Variants in ARHGEF1 observed in about 807,000 individuals in gnomAD.
ARHGEF1 encodes 115 kDa guanine nucleotide exchange factor.
ARHGEF1 carries 40 observed loss-of-function variants against 119.7 expected under a neutral mutation model. That is an observed-to-expected ratio of 0.33 (90% confidence interval 0.26 to 0.44). The LOEUF (loss-of-function observed/expected upper bound fraction) is 0.44. Ranked by LOEUF, ARHGEF1 falls within the 20% of genes least tolerant of loss-of-function variation. The probability of loss-of-function intolerance (pLI) is 1.00; values close to 1 mark genes in which losing one functional copy is unlikely to be tolerated. For missense variants in ARHGEF1, 976 were observed against 1,268.3 expected, an observed-to-expected ratio of 0.77 and a Z score of 3.50; for synonymous variants, 494 against 521.0, an observed-to-expected ratio of 0.95 and a Z score of 0.71.
chr19:41,892,465 G>T lies in ARHGEF1; in HGVS notation c.367+92G>T. On this transcript the variant is annotated intron_variant, in intron 6 of 28. Transcript: ENST00000354532. The surrounding 1 kb of genome is among the most constrained non-coding windows in gnomAD (Gnocchi z 6.3). ...GAGGGAGGCCGCACTCCCATGCTCT[G>T]CTCGGACAGCCGAGATTCATTCATT... 5 of 1,598,152 alleles carry T rather than the reference G, an allele frequency of 3.1e-6. No homozygotes were observed. In the South Asian group the frequency reaches 5.5e-5, roughly 18 times the overall value.
Position 41,895,478 on chromosome 19 carries a change from G to C in ARHGEF1, c.1007G>C (p.Arg336Pro). The C allele has an allele frequency of 6.3e-7, 1 of 1,596,458 alleles. No homozygotes were observed. The highest frequency in any genetic ancestry group is 1.1e-5 in the South Asian group (1 of 90,590). The change falls in exon 12 of 29, where the codon CGG (arginine) becomes CCG (proline). Residue 336 changes from arginine (R) to proline (P), a missense_variant. This residue lies in a region of ARHGEF1 where 519 missense variants were observed against 580.9 expected (regional missense o/e 0.89). Transcript: ENST00000354532. The stretch of plus-strand genomic sequence containing the variant: ...CCTCTGTCCCTGGACAGCCCAGACC[G>C]GGAACCAGGTGAGAGTTTCCTGGGC... ...LHPLSLDSPDREPGADAPLEL... is the reference protein window; with the variant it reads ...LHPLSLDSPDPEPGADAPLEL...
In ARHGEF1 at chr19:41,896,477, C is replaced by T. The variant is rs782206113; in HGVS notation, c.1116C>T (p.Thr372=). Residue 372 remains threonine (T), a synonymous_variant, in exon 13 of 29, where the codon ACC becomes ACT. Transcript: ENST00000354532. ...AGAGTACCGACGAGGGGGCCGAAAC[C>T]GAGAGGTGCCCAGGCTGGGGTGCAG... The part of the protein sequence containing the change: ...PPESTDEGAE[T]ESPEPGDEGE... The T allele has an allele frequency of 3.6e-5, 53 of 1,487,128 alleles. No homozygotes were observed. Among genetic ancestry groups the T allele is most frequent in the South Asian group, 9.8e-5 (7 of 71,534 alleles). The allele number at this position is 1,487,128 out of a possible 1,614,324, so 92.1% of individuals were successfully genotyped here.
chr19:41,895,196 G>C (rs550945646), intron 11 of ARHGEF1, among the ~76,000 whole-genome samples, 153 bp from the exon 12 acceptor site: 1 of 151,904 alleles, frequency 6.6e-6, no homozygotes, highest in East Asian at 1.9e-4. Context: ...GTGTCTGAGG[G>C]AGGAGGGGTT....
chr19:41,912,895 G>A, intron 18 of ARHGEF1: 1 of 1,231,720 alleles, frequency 8.1e-7, no homozygotes, highest in Non-Finnish European at 1.0e-6. Context: ...GCGAAGAGAA[G>A]GTCGGAGACG....
chr19:41,901,035 C>G (rs533664833), intron 14 of ARHGEF1: 2 of 150,470 alleles, frequency 1.3e-5, no homozygotes, highest in African/African-American at 4.9e-5. Context: ...GTGATCTGCC[C>G]GCCTAAGCCT....
upstream of ARHGEF1, among the ~76,000 whole-genome samples, chr19:41,922,131 G>C (rs1456490326): frequency 6.6e-6 from 1 of 152,122 alleles, no homozygotes; most frequent in Non-Finnish European, 1.5e-5. Flanking sequence ...GTGTACACCA[G>C]AACCAGCTAC....
chr19:41,918,011 A>G (rs2145899066), intron 18 of ARHGEF1, among the ~76,000 whole-genome samples: 1 of 151,800 alleles, frequency 6.6e-6, no homozygotes, highest in East Asian at 1.9e-4. Context: ...CCGGCCCTCG[A>G]CAGGCACCAG....
chr19:41,918,498 TCA>T (rs782457979), upstream of ARHGEF1, among the ~76,000 whole-genome samples: 50 of 102,064 alleles, frequency 4.9e-4, 1 homozygote, highest in South Asian at 0.014. Context: ...CACACACACA[TCA>T]CACACACACC....
At chr19:41,890,641 A>G (rs2074362276) in intron 4 of ARHGEF1, 1 of 151,810 alleles carries the variant, frequency 6.6e-6, no homozygotes, top group Non-Finnish European at 1.5e-5. Flanking sequence ...TTAGCCAGGC[A>G]CAGTGGTACA....
downstream of ARHGEF1, chr19:41,907,576 A>G (rs2074722619): frequency 4.7e-6 from 3 of 636,134 alleles, no homozygotes; most frequent in African/African-American, 5.7e-5. Context: ...TCATTCATTC[A>G]TTCATTTCTT....
chr19:41,898,654 A>G lies in ARHGEF1; in HGVS notation c.1267+67A>G, dbSNP rs1018312279. On this transcript the variant is annotated intron_variant, in intron 14 of 28. Transcript: ENST00000354532. ...GTCCAGCTCTGGCAAAGGCAAAGAC[A>G]GGCGCAGAGAGATGTTCATCTTGGT... is the stretch of plus-strand genomic sequence containing the variant. The G allele has an allele frequency of 1.7e-5, 25 of 1,482,908 alleles. No homozygotes were observed. The Admixed American group carries it at 4.8e-4, about 29-fold the overall frequency. 91.9% of individuals were successfully genotyped at this position (1,482,908 alleles called of 1,614,324 possible).
intron 2 of ARHGEF1, chr19:41,929,095 C>T (rs1450874833): frequency 5.3e-5 from 16 of 301,628 alleles, no homozygotes; most frequent in Non-Finnish European, 9.5e-5. Context: ...ACATGCGGAC[C>T]GTAATACAGG....
rs782615849 is a variant in ARHGEF1, at chr19:41,904,535, A to G, written c.2161+152A>G. ...AGGTGGAGGTGGGCAGGGCGGGGCC[A>G]GGCCTAGAGGGTTTATAAGTGAGGT... On this transcript the variant is annotated intron_variant, in intron 22 of 28. Coordinates refer to ENST00000354532, the MANE Select transcript of ARHGEF1 (RefSeq NM_004706.4). The surrounding 1 kb of genome is among the most constrained non-coding windows in gnomAD (Gnocchi z 8.4). 2.4e-4 allele frequency: 223 copies of G among 932,928 alleles called. No homozygotes were observed. Among genetic ancestry groups the G allele is most frequent in the Non-Finnish European group, 3.2e-4 (208 of 640,778 alleles). 57.8% of individuals were successfully genotyped at this position (932,928 alleles called of 1,614,324 possible). A position where few individuals can be genotyped will look rare whatever the true frequency, so the allele number is the denominator to read the frequency against.
chr19:41,912,823 G>T (rs2074761522), intron 18 of ARHGEF1: 3 of 715,810 alleles, frequency 4.2e-6, no homozygotes, highest in Non-Finnish European at 5.4e-6. Context: ...AGGGGTGGGG[G>T]AAGGGGTGGG....
downstream of ARHGEF1, chr19:41,908,792 C>A (rs1432519790): frequency 6.4e-5 from 34 of 528,652 alleles, no homozygotes; most frequent in East Asian, 1.2e-3. The surrounding 1 kb of genome is among the most constrained non-coding windows in gnomAD (Gnocchi z 6.7). Flanking sequence ...TACATGGCAT[C>A]TTACCCCCTC....
rs2074812210 is a variant in ARHGEF1, at chr19:41,917,970, C to T, written c.1866-5122C>T. ...CACCTGTCCGTCCAGACTATAGCCACGTCCATGTGTACACAGAGCAGGCTC... is the reference window on the plus strand; with the variant it reads ...CACCTGTCCGTCCAGACTATAGCCATGTCCATGTGTACACAGAGCAGGCTC... On this transcript the variant is annotated intron_variant, in intron 18 of 20. Transcript: ENST00000599589. This position sits in a 1 kb window ranked among gnomAD's most constrained non-coding sequence, Gnocchi z 4.8. Among the ~76,000 whole-genome samples the T allele has an allele frequency of 1.3e-5, 2 of 151,958 alleles. No individual in the cohort carries two copies. Among genetic ancestry groups the T allele is most frequent in the African/African-American group, 4.8e-5 (2 of 41,306 alleles).
At chr19:41,884,381 T>C (rs1303813704) in intron 1 of ARHGEF1, 1 of 1,557,590 alleles carries the variant, frequency 6.4e-7, no homozygotes, top group Non-Finnish European at 8.7e-7. Flanking sequence ...GGCGCAAAGG[T>C]GGACTCAGGG....
In ARHGEF1 at chr19:41,898,539, C is replaced by G. The variant is rs1568819283; in HGVS notation, c.1219C>G (p.Leu407Val). 1 of 1,571,912 alleles carries G rather than the reference C, an allele frequency of 6.4e-7. No individual in the cohort carries two copies. Among genetic ancestry groups the G allele is most frequent in the South Asian group, 1.2e-5 (1 of 85,466 alleles). The change falls in exon 14 of 29, where the codon CTG (leucine) becomes GTG (valine). Residue 407 changes from leucine to valine, a missense_variant. Leu to Val is a conservative substitution (Grantham distance 32, BLOSUM62 1). This residue lies in a region of ARHGEF1 where 519 missense variants were observed against 580.9 expected (regional missense o/e 0.89). Transcript: ENST00000354532. ...GCGGGAACTCGTCCCCCCAGACACC[C>G]TGCACAGCCTGCCCAAGAGCCAGGT... is the stretch of plus-strand genomic sequence containing the variant. ...GWRELVPPDT[L>V]HSLPKSQVKR...
intron 18 of ARHGEF1, among the ~76,000 whole-genome samples, chr19:41,914,213 C>T (rs1289764353): frequency 1.3e-5 from 2 of 151,468 alleles, no homozygotes; most frequent in African/African-American, 4.9e-5. Context: ...CCCAGGCCCC[C>T]TCTGTTCCCA....
Sources: allele counts gnomAD v4.1 joint callset (sites outside exome capture counted in the v4.1 genomes callset), GRCh38; gene constraint gnomAD v4.1.1; regional missense constraint gnomAD v4.1.1; non-coding constraint Gnocchi (gnomAD v3.1); transcripts MANE v1.5; gene names NCBI Gene and HGNC (gene_info 2026-07-23, HGNC 2026-07-21).